UNC13C: variants seen among roughly 807,000 people sequenced by gnomAD.
The protein encoded by UNC13C is protein unc-13 homolog C.
In UNC13C, 174 loss-of-function variants were observed where a neutral mutation model predicts 245.4. That is an observed-to-expected ratio of 0.71 (90% confidence interval 0.63 to 0.80). The LOEUF (loss-of-function observed/expected upper bound fraction) is 0.80. Among genes scored for constraint, UNC13C ranks in the 30% least tolerant of loss-of-function variants. The pLI is 0.00. For missense variants in UNC13C, 2,829 were observed against 2,602.9 expected, an observed-to-expected ratio of 1.09 and a Z score of -1.89; for synonymous variants, 992 against 895.1, an observed-to-expected ratio of 1.11 and a Z score of -1.93.
At chr15:54,533,126 T>A in intron 26 of UNC13C, 60 bp downstream of exon 26, 1 of 1,355,086 alleles carries the variant, frequency 7.4e-7, no homozygotes, top group Non-Finnish European at 1.0e-6. Context: ...CTTTAAGGCT[T>A]TAAGAAAAAC....
At chr15:54,536,616 C>A (rs1245069469) in intron 26 of UNC13C, among the ~76,000 whole-genome samples, 1 of 151,944 alleles carries the variant, frequency 6.6e-6, no homozygotes, top group Non-Finnish European at 1.5e-5. Context: ...AGCAGCATAT[C>A]AAAAAGCTAT....
At chr15:53,916,496 G>A in the UNC13C span, among the ~76,000 whole-genome samples, 1 of 152,210 alleles carries the variant, frequency 6.6e-6, no homozygotes, top group Non-Finnish European at 1.5e-5. Context: ...AAACCAGAGA[G>A]AGAATGGGAA....
At chr15:54,425,163 C>T (rs1345462810) in intron 19 of UNC13C, among the ~76,000 whole-genome samples, 2 of 151,618 alleles carry the variant, frequency 1.3e-5, no homozygotes. Flanking sequence ...ATTTGTAAAC[C>T]TTAGTACCAT....
chr15:54,552,468 C>T (rs12899342), intron 28 of UNC13C, among the ~76,000 whole-genome samples: 8 of 1,134 alleles, frequency 7.1e-3, no homozygotes, highest in Admixed American at 0.037. Flanking sequence ...TTATATATTA[C>T]AATATATAAT....
chr15:53,954,872 C>G, the UNC13C span, among the ~76,000 whole-genome samples: 4 of 152,138 alleles, frequency 2.6e-5, no homozygotes, highest in African/African-American at 9.7e-5. Context: ...ATGCTTCTAG[C>G]CTTACACAGA....
At chr15:54,066,611 T>G (rs1379275506) in intron 2 of UNC13C, among the ~76,000 whole-genome samples, 1 of 152,138 alleles carries the variant, frequency 6.6e-6, no homozygotes, top group Admixed American at 6.6e-5. Flanking sequence ...GGAGACCCAC[T>G]GAAGTGAGAT....
chr15:54,032,029 G>A (rs886425382), intron 2 of UNC13C, among the ~76,000 whole-genome samples: 1 of 151,878 alleles, frequency 6.6e-6, no homozygotes, highest in African/African-American at 2.4e-5. Context: ...TTAATTAGAA[G>A]GATTTTCTTG....
chr15:54,182,289 G>A (rs893204787), intron 4 of UNC13C, among the ~76,000 whole-genome samples: 18 of 151,992 alleles, frequency 1.2e-4, no homozygotes, highest in Non-Finnish European at 1.9e-4. Flanking sequence ...CTATTGAGAC[G>A]ATCATATGAT....
In UNC13C at chr15:54,013,950, A is replaced by G. The variant is rs1895511765; in HGVS notation, c.1047A>G (p.Ser349=). The G allele has an allele frequency of 1.9e-6, 3 of 1,613,234 alleles. No homozygotes were observed. Among genetic ancestry groups the G allele is most frequent in the East Asian group, 4.5e-5 (2 of 44,886 alleles). The stretch of plus-strand genomic sequence containing the variant: ...TTCTAATAGATAAAATGGGTTTTTC[A>G]GATGCACCAAATGCTATTAAAATTG... ...YQILIDKMGF[S]DAPNAIKIEF... is the part of the protein sequence containing the mutation. Residue 349 remains serine (S), a synonymous_variant, in exon 2 of 33, where the codon TCA becomes TCG. Transcript: ENST00000260323.
At chr15:54,478,484 G>A (rs1464250853) in intron 19 of UNC13C, among the ~76,000 whole-genome samples, 1 of 146,858 alleles carries the variant, frequency 6.8e-6, no homozygotes, top group Non-Finnish European at 1.5e-5. Flanking sequence ...TACTTTGAAT[G>A]TGTCTCAGGG....
chr15:54,043,589 G>A (rs1244884402), intron 2 of UNC13C, among the ~76,000 whole-genome samples: 1 of 152,194 alleles, frequency 6.6e-6, no homozygotes, highest in Non-Finnish European at 1.5e-5. Context: ...TAAACATCCA[G>A]CCATTTGGGG....
At chr15:54,557,382 A>C (rs1453098438) in intron 29 of UNC13C, among the ~76,000 whole-genome samples, 1 of 151,850 alleles carries the variant, frequency 6.6e-6, no homozygotes, top group African/African-American at 2.4e-5. Context: ...TATTCACCTG[A>C]TATCTGATTT....
chr15:54,135,211 T>C (rs1455320015), intron 2 of UNC13C, among the ~76,000 whole-genome samples: 1 of 152,236 alleles, frequency 6.6e-6, no homozygotes, highest in Admixed American at 6.5e-5. Flanking sequence ...TGACCCTTTA[T>C]CAGACATATA....
chr15:53,944,732 C>A, the UNC13C span, among the ~76,000 whole-genome samples: 1 of 152,120 alleles, frequency 6.6e-6, no homozygotes, highest in Non-Finnish European at 1.5e-5. Flanking sequence ...TGAATCTATG[C>A]ATCCGTGTGT....
chr15:54,327,148 G>A (rs867930383), intron 14 of UNC13C, among the ~76,000 whole-genome samples: 7 of 151,914 alleles, frequency 4.6e-5, no homozygotes, highest in African/African-American at 1.5e-4. Flanking sequence ...TTTTGAAGGT[G>A]TCTTTAGGAA....
the UNC13C span, among the ~76,000 whole-genome samples, chr15:53,960,800 G>A: frequency 6.6e-6 from 1 of 152,266 alleles, no homozygotes; most frequent in Non-Finnish European, 1.5e-5. Flanking sequence ...CATCTTCTCT[G>A]CAGCCAACTT....
chr15:54,009,547 C>CT (rs368634860), intron 1 of UNC13C, among the ~76,000 whole-genome samples: 22,261 of 143,638 alleles, frequency 0.15, 1,840 homozygotes, highest in South Asian at 0.21. Context: ...TCTTCTTCTT[C>CT]TTCTTTTTTT....
intron 4 of UNC13C, among the ~76,000 whole-genome samples, chr15:54,158,714 A>C (rs1186774396): frequency 6.6e-6 from 1 of 151,984 alleles, no homozygotes; most frequent in African/African-American, 2.4e-5. Context: ...CAGTGGCACA[A>C]TCATGGTTCA....
intron 2 of UNC13C, among the ~76,000 whole-genome samples, chr15:54,105,400 C>A (rs1356707668): frequency 6.6e-6 from 1 of 152,142 alleles, no homozygotes; most frequent in Non-Finnish European, 1.5e-5. Context: ...TGTCAGGGTT[C>A]TTCTGATAAG....
Sources: allele counts gnomAD v4.1 joint callset (sites outside exome capture counted in the v4.1 genomes callset), GRCh38; gene constraint gnomAD v4.1.1; transcripts MANE v1.5; gene names NCBI Gene and HGNC (gene_info 2026-07-23, HGNC 2026-07-21).